UBE2QL1: variants seen among roughly 807,000 people sequenced by gnomAD.
UBE2QL1 encodes ubiquitin-conjugating enzyme E2Q-like protein 1.
In UBE2QL1, 5 loss-of-function variants were observed where a neutral mutation model predicts 12.6. That is an observed-to-expected ratio of 0.40 (90% CI 0.21 to 0.83). The LOEUF (loss-of-function observed/expected upper bound fraction) is 0.83. Among genes scored for constraint, UBE2QL1 ranks in the 40% least tolerant of loss-of-function variants. The pLI, the probability that UBE2QL1 is intolerant of heterozygous loss-of-function variation, is 0.37. For missense variants in UBE2QL1, 99 were observed against 222.6 expected (o/e 0.44, Z 3.53); for synonymous variants, 96 against 94.5 (o/e 1.02, Z -0.10).
At chr5:6,483,152 C>T (rs1734396164) in intron 1 of UBE2QL1, among the ~76,000 whole-genome samples, 1 of 152,166 alleles carries the variant, frequency 6.6e-6, no homozygotes, top group Non-Finnish European at 1.5e-5. Flanking sequence ...AATGAGAGCC[C>T]TGGCCAGGTG....
intron 1 of UBE2QL1, among the ~76,000 whole-genome samples, chr5:6,485,803 A>G (rs1734456557): frequency 6.6e-6 from 1 of 152,234 alleles, no homozygotes; most frequent in Non-Finnish European, 1.5e-5. Context: ...AAGAAAAGGA[A>G]TGAGAGAAAA....
At chr5:6,482,908 C>T (rs1560935888) in intron 1 of UBE2QL1, among the ~76,000 whole-genome samples, 1 of 152,204 alleles carries the variant, frequency 6.6e-6, no homozygotes, top group Non-Finnish European at 1.5e-5. Context: ...ATCTAGAGGA[C>T]ACCTGCTCCT....
chr5:6,449,875 C>CCCCA (rs1553987107), intron 1 of UBE2QL1, among the ~76,000 whole-genome samples: 4 of 147,898 alleles, frequency 2.7e-5, no homozygotes, highest in Non-Finnish European at 6.0e-5. Context: ...CCAACCCCCC[C>CCCCA]CACACACACA....
chr5:6,482,964 G>A (rs1273695047), intron 1 of UBE2QL1, among the ~76,000 whole-genome samples: 1 of 152,194 alleles, frequency 6.6e-6, no homozygotes, highest in African/African-American at 2.4e-5. Context: ...CTCCAAGTGG[G>A]AAAACTGCAC....
chr5:6,453,709 G>GCACA (rs3073837), intron 1 of UBE2QL1, among the ~76,000 whole-genome samples: 7 of 150,424 alleles, frequency 4.7e-5, no homozygotes, highest in African/African-American at 1.2e-4. Context: ...ACACACATGT[G>GCACA]CACACACACA....
At position 6,492,971 on chromosome 5, in the gene UBE2QL1, C is replaced by A. The variant is rs770067676; in HGVS notation, c.*1622C>A. ...ATCCAAGAGGCCTTGCCTCAAAGAA[C>A]AAGGATTGGCGCCTTTCAGCAGGGC... On this transcript the variant is annotated 3_prime_UTR_variant, in exon 2 of 2. Transcript: ENST00000399816. 6.6e-6 allele frequency: 1 copy of A among 152,272 alleles called. No homozygotes were observed. The highest frequency in any genetic ancestry group is 1.5e-5 in the Non-Finnish European group (1 of 68,050). The allele number at this position is 152,272 out of a possible 1,614,324, so 9.4% of individuals were successfully genotyped here.
intron 1 of UBE2QL1, among the ~76,000 whole-genome samples, chr5:6,460,099 G>A (rs1739619833): frequency 6.6e-6 from 1 of 152,142 alleles, no homozygotes; most frequent in Non-Finnish European, 1.5e-5. Context: ...GTTATTGGTG[G>A]GTGGGGCTGG....
intron 1 of UBE2QL1, among the ~76,000 whole-genome samples, chr5:6,462,661 G>A (rs1579290500): frequency 2.0e-5 from 3 of 152,168 alleles, no homozygotes; most frequent in Admixed American, 2.0e-4. Flanking sequence ...CTATTGGAGG[G>A]CTCAAGGAAG....
intron 1 of UBE2QL1, among the ~76,000 whole-genome samples, chr5:6,459,781 C>T (rs534392830): frequency 2.0e-5 from 3 of 152,226 alleles, no homozygotes; most frequent in Admixed American, 6.5e-5. Context: ...AACTGTAATG[C>T]GATTTTAAAA....
intron 1 of UBE2QL1, among the ~76,000 whole-genome samples, chr5:6,486,858 G>T (rs1734477705): frequency 6.6e-6 from 1 of 152,212 alleles, no homozygotes; most frequent in African/African-American, 2.4e-5. Flanking sequence ...CTAGCATCTA[G>T]TGGGTAAAGG....
chr5:6,470,514 G>A (rs1353350862), intron 1 of UBE2QL1, among the ~76,000 whole-genome samples: 2 of 151,642 alleles, frequency 1.3e-5, no homozygotes, highest in African/African-American at 4.9e-5. Flanking sequence ...ACACACACAT[G>A]CACACACACG....
chr5:6,489,282 A>T (rs1734520855), intron 1 of UBE2QL1, among the ~76,000 whole-genome samples: 1 of 151,804 alleles, frequency 6.6e-6, no homozygotes, highest in Admixed American at 6.6e-5. Context: ...AAATTAGATA[A>T]ATGTGGTGGC....
At chr5:6,460,438 C>G (rs1226018662) in intron 1 of UBE2QL1, among the ~76,000 whole-genome samples, 1 of 152,164 alleles carries the variant, frequency 6.6e-6, no homozygotes, top group Non-Finnish European at 1.5e-5. Flanking sequence ...TGTTTCATGG[C>G]AATATTCACC....
At chr5:6,455,291 C>G (rs915017790) in intron 1 of UBE2QL1, among the ~76,000 whole-genome samples, 1 of 152,138 alleles carries the variant, frequency 6.6e-6, no homozygotes, top group African/African-American at 2.4e-5. Flanking sequence ...CAGGAAGAGA[C>G]TCGTCCACAC....
At chr5:6,460,975 T>A (rs1165047161) in intron 1 of UBE2QL1, among the ~76,000 whole-genome samples, 1 of 152,216 alleles carries the variant, frequency 6.6e-6, no homozygotes, top group African/African-American at 2.4e-5. Flanking sequence ...CCAGCAATTA[T>A]CACAAGTCAC....
At chr5:6,475,443 G>A (rs1232433017) in intron 1 of UBE2QL1, among the ~76,000 whole-genome samples, 3 of 152,082 alleles carry the variant, frequency 2.0e-5, no homozygotes, top group African/African-American at 2.4e-5. Context: ...ATCTTATGCC[G>A]TATCTTTGTC....
chr5:6,481,467 C>T lies in UBE2QL1; in HGVS notation c.355-9751C>T, dbSNP rs1432820738. 1.3e-5 allele frequency among the ~76,000 whole-genome samples: 2 copies of T among 152,152 alleles called. No individual in the cohort carries two copies. The highest frequency in any genetic ancestry group is 2.9e-5 in the Non-Finnish European group (2 of 68,028). The stretch of plus-strand genomic sequence containing the variant: ...ATGGCTAGAGAGCAGAGAGGGGGCA[C>T]GCTCCCCTCCCCGCACACCTCTCCC... On this transcript the variant is annotated intron_variant, in intron 1 of 1. Transcript: ENST00000399816. This position sits in a 1 kb window ranked among gnomAD's most constrained non-coding sequence, Gnocchi z 4.5.
intron 1 of UBE2QL1, among the ~76,000 whole-genome samples, chr5:6,465,552 C>G (rs972605134): frequency 1.3e-5 from 2 of 152,188 alleles, no homozygotes; most frequent in Admixed American, 6.5e-5. Flanking sequence ...TTCTCAACCT[C>G]GGTTTCCACT....
chr5:6,454,581 C>T (rs1287427523), intron 1 of UBE2QL1, among the ~76,000 whole-genome samples: 1 of 152,188 alleles, frequency 6.6e-6, no homozygotes, highest in African/African-American at 2.4e-5. Context: ...ACCAGTTGCT[C>T]ATCTTGTTTC....
Sources: gnomAD v4.1 joint callset for allele counts (sites outside exome capture counted in the v4.1 genomes callset) on GRCh38, gnomAD v4.1.1 for gene constraint, Gnocchi (gnomAD v3.1) non-coding constraint, MANE v1.5 for transcripts, NCBI Gene and HGNC (gene_info 2026-07-23, HGNC 2026-07-21) for gene names.